The following FRMD3 variants were observed in gnomAD, a reference collection of about 807,000 sequenced individuals.
The protein encoded by FRMD3 is FERM domain containing 3, also known as FERM domain-containing protein 3.
Under a neutral mutation model 70.2 loss-of-function variants are expected in FRMD3, and 33 were observed. That is an observed-to-expected ratio of 0.47 (90% CI 0.36 to 0.63). The LOEUF is 0.63. Ranked by LOEUF, FRMD3 falls within the 20% of genes least tolerant of loss-of-function variation. The pLI is 0.00. For synonymous variants in FRMD3, 279 were observed against 255.9 expected, an observed-to-expected ratio of 1.09 and a Z score of -0.86; for missense variants, 632 against 711.4, an observed-to-expected ratio of 0.89 and a Z score of 1.27.
chr9:83,416,745 G>GTCTCTCTCTCTC (rs1184226415), intron 1 of FRMD3, among the ~76,000 whole-genome samples: 1,278 of 102,244 alleles, frequency 0.012, 110 homozygotes, highest in East Asian at 0.023. Context: ...ATTTCTCTCT[G>GTCTCTCTCTCTC]TCTCTCTCTC....
At chr9:83,296,345 A>G (rs1468282791) in intron 12 of FRMD3, among the ~76,000 whole-genome samples, 1 of 152,190 alleles carries the variant, frequency 6.6e-6, no homozygotes, top group East Asian at 1.9e-4. Context: ...CAGATCTCAC[A>G]TCAAAGAAAA....
chr9:83,518,613 T>C (rs1386535684), intron 1 of FRMD3, among the ~76,000 whole-genome samples: 2 of 152,202 alleles, frequency 1.3e-5, no homozygotes, highest in African/African-American at 2.4e-5. Context: ...TGCCATTGAC[T>C]TTCTTCACAG....
At chr9:83,428,943 A>C (rs1031823619) in intron 1 of FRMD3, among the ~76,000 whole-genome samples, 3 of 151,564 alleles carry the variant, frequency 2.0e-5, no homozygotes, top group African/African-American at 7.3e-5. Context: ...TCTACTCTTC[A>C]TTGAAGCTAA....
At chr9:83,382,012 A>T (rs1223119166) in intron 2 of FRMD3, among the ~76,000 whole-genome samples, 1 of 152,130 alleles carries the variant, frequency 6.6e-6, no homozygotes, top group Non-Finnish European at 1.5e-5. Context: ...TCTTTAATAG[A>T]CACTCAAAAA....
chr9:83,392,918 G>GA (rs200588697), intron 1 of FRMD3, among the ~76,000 whole-genome samples: 200 of 151,008 alleles, frequency 1.3e-3, no homozygotes, highest in Non-Finnish European at 2.1e-3. Context: ...ATTGAGCAGA[G>GA]AAAAAAAAAT....
At chr9:83,375,882 G>A (rs567725390) in intron 2 of FRMD3, among the ~76,000 whole-genome samples, 40 of 152,196 alleles carry the variant, frequency 2.6e-4, no homozygotes, top group Admixed American at 4.6e-4. Flanking sequence ...AAAAAAGACC[G>A]GGCGCAGTGG....
At chr9:83,506,273 T>C (rs1247137953) in intron 1 of FRMD3, among the ~76,000 whole-genome samples, 3 of 152,226 alleles carry the variant, frequency 2.0e-5, no homozygotes, top group African/African-American at 7.2e-5. Flanking sequence ...CTATCAATAA[T>C]GTTTTAAAGA....
At chr9:83,414,877 C>T (rs1029683083) in intron 1 of FRMD3, among the ~76,000 whole-genome samples, 1 of 152,222 alleles carries the variant, frequency 6.6e-6, no homozygotes, top group Non-Finnish European at 1.5e-5. Flanking sequence ...AGAAGGAAGA[C>T]AGTGTGTGCA....
chr9:83,585,687 C>T, the FRMD3 span, among the ~76,000 whole-genome samples: 6 of 152,182 alleles, frequency 3.9e-5, no homozygotes, highest in African/African-American at 1.4e-4. Context: ...TGTGCAACTA[C>T]CATCCACAGA....
downstream of FRMD3, among the ~76,000 whole-genome samples, chr9:83,243,944 C>A (rs1168491415): frequency 6.6e-6 from 1 of 152,028 alleles, no homozygotes; most frequent in African/African-American, 2.4e-5. Flanking sequence ...CTGACCAACA[C>A]GGAGGAACCC....
chr9:83,473,414 C>A lies in FRMD3; in HGVS notation c.147+64671G>T, dbSNP rs1254211032. Among the ~76,000 whole-genome samples, 3 of 152,312 alleles carry A rather than the reference C, an allele frequency of 2.0e-5. No homozygotes were observed. In the East Asian group the frequency reaches 5.8e-4, roughly 29 times the overall value. Reference sequence around the variant, plus strand: ...GCAGGTTCTGTGCATTCCATTTAGCCCTTCGCCTTTTATTAACTTCTGTTG... The same window carrying A: ...GCAGGTTCTGTGCATTCCATTTAGCACTTCGCCTTTTATTAACTTCTGTTG... On this transcript the variant is annotated intron_variant, in intron 1 of 13. Coordinates refer to ENST00000304195, the MANE Select transcript of FRMD3 (RefSeq NM_174938.6).
At chr9:83,509,732 T>G (rs1829292852) in intron 1 of FRMD3, among the ~76,000 whole-genome samples, 1 of 152,210 alleles carries the variant, frequency 6.6e-6, no homozygotes, top group African/African-American at 2.4e-5. Flanking sequence ...TACTACTGCA[T>G]GTGAATCTAC....
chr9:83,414,294 T>C (rs1163276840), intron 1 of FRMD3, among the ~76,000 whole-genome samples: 2 of 152,204 alleles, frequency 1.3e-5, no homozygotes, highest in South Asian at 2.1e-4. Context: ...TTTAATGGTA[T>C]GTAAATTAAA....
At chr9:83,430,865 C>T (rs1171243128) in intron 1 of FRMD3, among the ~76,000 whole-genome samples, 1 of 152,258 alleles carries the variant, frequency 6.6e-6, no homozygotes, top group Non-Finnish European at 1.5e-5. Context: ...GAGTAACAAA[C>T]AGCTGTCCCT....
chr9:83,516,942 AC>A (rs1302586916), intron 1 of FRMD3, among the ~76,000 whole-genome samples: 1 of 152,228 alleles, frequency 6.6e-6, no homozygotes, highest in Non-Finnish European at 1.5e-5. Flanking sequence ...GACACAATGT[AC>A]CAGAATCTCT....
chr9:83,343,612 A>G (rs1465871088), intron 4 of FRMD3, among the ~76,000 whole-genome samples: 1 of 152,202 alleles, frequency 6.6e-6, no homozygotes, highest in Non-Finnish European at 1.5e-5. Context: ...GCACGAGGAC[A>G]GCCATGGCCA....
chr9:83,379,817 AC>A (rs1431633909), intron 2 of FRMD3, among the ~76,000 whole-genome samples: 92 of 152,124 alleles, frequency 6.0e-4, no homozygotes, highest in Non-Finnish European at 1.5e-5. Flanking sequence ...TAGTATAAAT[AC>A]CTCTGCTCCC....
intron 3 of FRMD3, among the ~76,000 whole-genome samples, chr9:83,353,288 A>AG (rs35834224): frequency 0.34 from 42,026 of 123,220 alleles, 6,424 homozygotes; most frequent in Admixed American, 0.37. Context: ...GGGGTGGGGG[A>AG]GGGGGGGCAC....
the FRMD3 span, among the ~76,000 whole-genome samples, chr9:83,581,249 A>C: frequency 7.9e-5 from 12 of 152,218 alleles, no homozygotes; most frequent in African/African-American, 2.9e-4. Flanking sequence ...TATACCAAGT[A>C]TATAAAGAAC....
Sources: allele counts gnomAD v4.1 joint callset (sites outside exome capture counted in the v4.1 genomes callset), GRCh38; gene constraint gnomAD v4.1.1; transcripts MANE v1.5; gene names NCBI Gene and HGNC (gene_info 2026-07-23, HGNC 2026-07-21).